Variants in CCDC30 observed in about 807,000 individuals in gnomAD.
The protein encoded by CCDC30 is coiled-coil domain-containing protein 30.
CCDC30 carries 70 observed loss-of-function variants against 100.2 expected under a neutral mutation model. The observed-to-expected ratio is 0.70, with a 90% CI of 0.58 to 0.85. The LOEUF is 0.85. Among genes scored for constraint, CCDC30 ranks in the 40% least tolerant of loss-of-function variants. The pLI is 0.00. For synonymous variants in CCDC30, 233 were observed against 269.5 expected (o/e 0.86, Z 1.33); for missense variants, 652 against 771.2 (o/e 0.85, Z 1.83).
intron 10 of CCDC30, among the ~76,000 whole-genome samples, chr1:42,598,124 G>A (rs544658235): frequency 2.0e-5 from 3 of 152,256 alleles, no homozygotes; most frequent in African/African-American, 7.2e-5. Context: ...CCATGATTGT[G>A]CCACTGCATT....
intron 6 of CCDC30, among the ~76,000 whole-genome samples, chr1:42,554,474 C>T (rs1393557941): frequency 4.6e-5 from 7 of 151,914 alleles, no homozygotes; most frequent in East Asian, 1.9e-4. Flanking sequence ...GACAGGGTTT[C>T]GCCATGTTGA....
At chr1:42,491,789 C>T (rs912908294) in intron 4 of CCDC30, 11 of 306,880 alleles carry the variant, frequency 3.6e-5, no homozygotes, top group Admixed American at 1.2e-4. Flanking sequence ...AAAAGGGAGC[C>T]GAAAATAGAG....
At chr1:42,585,650 A>G (rs899514565) in intron 9 of CCDC30, among the ~76,000 whole-genome samples, 1 of 151,424 alleles carries the variant, frequency 6.6e-6, no homozygotes, top group Admixed American at 6.6e-5. Flanking sequence ...CTGATTTTAT[A>G]TTTTTCTTCC....
At chr1:42,493,316 G>A (rs1374080691) in intron 4 of CCDC30, among the ~76,000 whole-genome samples, 5 of 152,158 alleles carry the variant, frequency 3.3e-5, no homozygotes, top group East Asian at 1.9e-4. Flanking sequence ...GTGGCTGAGC[G>A]CAGTGGCTCA....
intron 6 of CCDC30, among the ~76,000 whole-genome samples, chr1:42,505,164 A>C (rs541968450): frequency 3.3e-5 from 5 of 152,242 alleles, no homozygotes; most frequent in African/African-American, 9.6e-5. Context: ...CAAGATATAG[A>C]ATTTCCCTTT....
chr1:42,537,226 C>G (rs1435884619), intron 6 of CCDC30: 11 of 456,074 alleles, frequency 2.4e-5, no homozygotes, highest in African/African-American at 2.2e-4. Context: ...AACTTCTTGT[C>G]CTGCCATCTT....
intron 6 of CCDC30, among the ~76,000 whole-genome samples, chr1:42,551,181 T>C (rs1476218850): frequency 3.9e-5 from 6 of 152,188 alleles, no homozygotes; most frequent in African/African-American, 7.2e-5. Context: ...GATTGTGCCT[T>C]GTAGAAGGTT....
chr1:42,637,378 G>T, exon 12 of CCDC30: 1 of 1,604,894 alleles, frequency 6.2e-7, no homozygotes. Flanking sequence ...AAATAGAAAA[G>T]GTGAGGAAAA....
At chr1:42,473,420 C>T (rs1569710236) in intron 1 of CCDC30, 2 of 516,160 alleles carry the variant, frequency 3.9e-6, no homozygotes, top group Non-Finnish European at 5.9e-6. Context: ...GAAAAGCACC[C>T]ACGTGTAGAC....
At chr1:42,470,524 C>T (rs1643735303) in intron 1 of CCDC30, among the ~76,000 whole-genome samples, 1 of 152,186 alleles carries the variant, frequency 6.6e-6, no homozygotes, top group African/African-American at 2.4e-5. Context: ...TTCATAGCAG[C>T]ATCATTCACA....
intron 11 of CCDC30, among the ~76,000 whole-genome samples, chr1:42,621,875 G>C (rs1018222717): frequency 6.6e-6 from 1 of 152,004 alleles, no homozygotes; most frequent in East Asian, 1.9e-4. Context: ...TCGAACCTGT[G>C]TGCTCAAGCA....
intron 3 of CCDC30, among the ~76,000 whole-genome samples, chr1:42,486,025 T>C (rs1019498045): frequency 6.6e-6 from 1 of 152,180 alleles, no homozygotes; most frequent in Non-Finnish European, 1.5e-5. Context: ...GAAACCCTTA[T>C]ACATTGCTAG....
intron 6 of CCDC30, among the ~76,000 whole-genome samples, chr1:42,554,756 T>C (rs1181817393): frequency 6.6e-6 from 1 of 152,188 alleles, no homozygotes; most frequent in African/African-American, 2.4e-5. Context: ...CTCTAACCAT[T>C]GAAGGTGCAT....
At chr1:42,583,120 T>A (rs1646000538) in intron 9 of CCDC30, among the ~76,000 whole-genome samples, 1 of 152,228 alleles carries the variant, frequency 6.6e-6, no homozygotes, top group South Asian at 2.1e-4. Flanking sequence ...GTGGCCCTCA[T>A]CTTCAACATC....
chr1:42,462,480 TA>T (rs1643438279), upstream of CCDC30, among the ~76,000 whole-genome samples: 1 of 152,032 alleles, frequency 6.6e-6, no homozygotes, highest in African/African-American at 2.4e-5. Context: ...ATATAAAGAG[TA>T]AAATACGTCC....
chr1:42,499,921 G>C (rs967552290), intron 6 of CCDC30, among the ~76,000 whole-genome samples: 4 of 152,058 alleles, frequency 2.6e-5, no homozygotes, highest in African/African-American at 7.2e-5. Flanking sequence ...GGCCAGCTTG[G>C]TTTTACTCTA....
At chr1:42,560,403 TC>T (rs1645462852) in intron 6 of CCDC30, among the ~76,000 whole-genome samples, 1 of 152,122 alleles carries the variant, frequency 6.6e-6, no homozygotes, top group Non-Finnish European at 1.5e-5. Context: ...AGAGTCTTGC[TC>T]CATCACCCAG....
chr1:42,577,204 C>T, exon 8 of CCDC30: 1 of 1,613,592 alleles, frequency 6.2e-7, no homozygotes. Flanking sequence ...CAGGAGAAAT[C>T]TAAAGTTGCT....
intron 11 of CCDC30, among the ~76,000 whole-genome samples, chr1:42,614,306 T>C (rs951080497): frequency 6.6e-6 from 1 of 151,704 alleles, no homozygotes; most frequent in Admixed American, 6.6e-5. Context: ...GGTCTCGATC[T>C]CCTGACCTCG....
Sources: allele counts gnomAD v4.1 joint callset (sites outside exome capture counted in the v4.1 genomes callset), GRCh38; gene constraint gnomAD v4.1.1; transcripts MANE v1.5; gene names NCBI Gene and HGNC (gene_info 2026-07-23, HGNC 2026-07-21).